MPPED2: variants seen among roughly 807,000 people sequenced by gnomAD.
The protein encoded by MPPED2 is metallophosphoesterase domain containing 2.
Under a neutral mutation model 33.0 loss-of-function variants are expected in MPPED2, and 5 were observed. The ratio of observed to expected loss-of-function variants is 0.15; its 90% confidence interval spans 0.08 to 0.32. MPPED2 has a LOEUF of 0.32. Ranked by LOEUF, MPPED2 falls within the 10% of genes least tolerant of loss-of-function variation. MPPED2 has a pLI of 1.00. For synonymous variants in MPPED2, 136 were observed against 141.9 expected, an observed-to-expected ratio of 0.96 and a Z score of 0.29; for missense variants, 275 against 372.1, an observed-to-expected ratio of 0.74 and a Z score of 2.15.
At chr11:30,408,394 C>T (rs906025006), downstream of MPPED2, among the ~76,000 whole-genome samples, 6 of 152,222 alleles carry the variant, frequency 3.9e-5, no homozygotes, top group East Asian at 5.8e-4. Context: ...TCACTGCAAC[C>T]TCTGCCTCCT....
chr11:30,416,967 T>G (rs1425276359), intron 5 of MPPED2, among the ~76,000 whole-genome samples: 1 of 152,226 alleles, frequency 6.6e-6, no homozygotes, highest in Non-Finnish European at 1.5e-5. Flanking sequence ...TCCATGTGCC[T>G]GTAGGGTAAG....
intron 3 of MPPED2, among the ~76,000 whole-genome samples, chr11:30,515,811 G>A (rs1953501809): frequency 6.6e-6 from 1 of 152,070 alleles, no homozygotes; most frequent in South Asian, 2.1e-4. Context: ...ACATAGAATA[G>A]CCTTTAATGT....
chr11:30,411,275 C>T lies in MPPED2; in HGVS notation c.*193G>A. The T allele has an allele frequency of 2.4e-6, 3 of 1,233,714 alleles. No homozygotes were observed. Among genetic ancestry groups the T allele is most frequent in the Non-Finnish European group, 3.1e-6 (3 of 982,552 alleles). The allele number at this position is 1,233,714 out of a possible 1,614,324, so 76.4% of individuals were successfully genotyped here. ...AGTCATTTTACAAATTCACAATGTT[C>T]CTCTGATTTCAAATGGATGCCCCAT... On this transcript the variant is annotated 3_prime_UTR_variant, in exon 7 of 7. Coordinates refer to ENST00000358117, the MANE Select transcript of MPPED2 (RefSeq NM_001584.3).
At chr11:30,409,426 G>A (rs1948038651), downstream of MPPED2, among the ~76,000 whole-genome samples, 1 of 152,212 alleles carries the variant, frequency 6.6e-6, no homozygotes, top group African/African-American at 2.4e-5. Flanking sequence ...TGCTCTGCAA[G>A]CTTGGACCCA....
chr11:30,433,172 T>A (rs1371083634), intron 4 of MPPED2, among the ~76,000 whole-genome samples: 3 of 152,182 alleles, frequency 2.0e-5, no homozygotes, highest in African/African-American at 7.2e-5. Context: ...TTGTTACAGA[T>A]CAGAAAGGGT....
chr11:30,396,199 C>A (rs1947838219), intron 6 of MPPED2, among the ~76,000 whole-genome samples: 1 of 152,146 alleles, frequency 6.6e-6, no homozygotes, highest in Admixed American at 6.5e-5. Context: ...AAAGCAAAAT[C>A]ATTCATTCAT....
chr11:30,494,737 C>CAAAAAAAAAAAAAAAAA (rs767500886), intron 4 of MPPED2, among the ~76,000 whole-genome samples: 2 of 47,614 alleles, frequency 4.2e-5, no homozygotes, highest in African/African-American at 7.0e-5. Context: ...TACTCCACCT[C>CAAAAAAAAAAAAAAAAA]AAAAAAAAAA....
chr11:30,550,641 TC>T (rs1955662201), intron 2 of MPPED2, among the ~76,000 whole-genome samples: 1 of 152,104 alleles, frequency 6.6e-6, no homozygotes, highest in South Asian at 2.1e-4. Flanking sequence ...ATTTCCATTC[TC>T]CTCTCATTCC....
intron 4 of MPPED2, among the ~76,000 whole-genome samples, chr11:30,445,236 A>G (rs1377127185): frequency 6.6e-6 from 1 of 152,210 alleles, no homozygotes; most frequent in Non-Finnish European, 1.5e-5. Flanking sequence ...TAAGACTGGC[A>G]GAGCTGGAAT....
chr11:30,430,514 G>A lies in MPPED2; in HGVS notation c.537-12881C>T, dbSNP rs9783392. 6.1e-3 allele frequency among the ~76,000 whole-genome samples: 921 copies of A among 152,144 alleles called. 8 individuals are homozygous for A. The highest frequency in any genetic ancestry group is 0.02 in the African/African-American group (846 of 41,492). Reference sequence around the variant, plus strand: ...ATGTAAAATTACCTATGTAGTTCACGTTATATTCATATCGGAAAATGCTGT... The same window carrying A: ...ATGTAAAATTACCTATGTAGTTCACATTATATTCATATCGGAAAATGCTGT... On this transcript the variant is annotated intron_variant, in intron 4 of 6. Coordinates refer to ENST00000358117, the MANE Select transcript of MPPED2 (RefSeq NM_001584.3).
intron 3 of MPPED2, among the ~76,000 whole-genome samples, chr11:30,514,212 A>C (rs1287278298): frequency 2.6e-5 from 4 of 152,258 alleles, no homozygotes; most frequent in Admixed American, 2.0e-4. Context: ...CTTGCCAATG[A>C]CTGGTTTAAG....
chr11:30,446,517 C>T (rs986646961), intron 4 of MPPED2, among the ~76,000 whole-genome samples: 4 of 152,188 alleles, frequency 2.6e-5, no homozygotes, highest in African/African-American at 7.2e-5. Context: ...AAGAAACAGC[C>T]TTCCATCTCT....
intron 4 of MPPED2, among the ~76,000 whole-genome samples, chr11:30,449,130 T>C (rs1949940280): frequency 6.6e-6 from 1 of 152,210 alleles, no homozygotes; most frequent in African/African-American, 2.4e-5. Flanking sequence ...TTAATCTATA[T>C]CCACTATCAA....
intron 2 of MPPED2, among the ~76,000 whole-genome samples, chr11:30,554,887 A>G (rs1051612919): frequency 3.8e-4 from 58 of 152,112 alleles, no homozygotes; most frequent in African/African-American, 1.2e-3. Flanking sequence ...CAGTTCTCTA[A>G]GTACACTGCT....
chr11:30,410,233 C>T lies in MPPED2; in HGVS notation c.*1235G>A, dbSNP rs1405235190. The T allele has an allele frequency of 1.0e-6, 1 of 985,808 alleles. No homozygotes were observed. Among genetic ancestry groups the T allele is most frequent in the East Asian group, 1.1e-4 (1 of 8,814 alleles). The allele number at this position is 985,808 out of a possible 1,614,324, so 61.1% of individuals were successfully genotyped here. A position where few individuals can be genotyped will look rare whatever the true frequency, so the allele number is the denominator to read the frequency against. On this transcript the variant is annotated 3_prime_UTR_variant, in exon 7 of 7. Coordinates refer to ENST00000358117, the MANE Select transcript of MPPED2 (RefSeq NM_001584.3). ...CTCTAAACAGCACGAATTTAAAAAT[C>T]TTGCAATTTTATTTGCATATAAAGG...
chr11:30,404,730 C>A (rs1947962592), intron 6 of MPPED2, among the ~76,000 whole-genome samples: 1 of 152,132 alleles, frequency 6.6e-6, no homozygotes, highest in Non-Finnish European at 1.5e-5. Flanking sequence ...TTGTTTTCTT[C>A]ATCTAGTTAT....
At chr11:30,520,032 C>G (rs951703468) in intron 3 of MPPED2, among the ~76,000 whole-genome samples, 4 of 152,110 alleles carry the variant, frequency 2.6e-5, no homozygotes, top group African/African-American at 9.7e-5. Context: ...CAAGTACAGT[C>G]TCTTCAAAAC....
At position 30,494,002 on chromosome 11, in the gene MPPED2, A is replaced by G. The variant is rs1036703902; in HGVS notation, c.536+1294T>C. 1.4e-4 allele frequency among the ~76,000 whole-genome samples: 21 copies of G among 152,318 alleles called. 1 individual carries two copies. The East Asian group carries it at 3.5e-3, about 25-fold the overall frequency. ...ACCTGTTTCAAGTTTTCCAGAGCTT[A>G]GTTCTGAGAATTCTAGTGCCAGCTC... is the stretch of plus-strand genomic sequence containing the variant. On this transcript the variant is annotated intron_variant, in intron 4 of 6. Transcript: ENST00000358117.
intron 4 of MPPED2, among the ~76,000 whole-genome samples, chr11:30,444,690 T>A (rs1426840834): frequency 6.6e-6 from 1 of 152,202 alleles, no homozygotes; most frequent in Non-Finnish European, 1.5e-5. Flanking sequence ...ATTTTTTGGT[T>A]CTTTATCTGC....
Sources: allele counts gnomAD v4.1 joint callset (sites outside exome capture counted in the v4.1 genomes callset), GRCh38; gene constraint gnomAD v4.1.1; transcripts MANE v1.5; gene names NCBI Gene and HGNC (gene_info 2026-07-23, HGNC 2026-07-21).